GPM6B: variants seen among roughly 807,000 people sequenced by gnomAD.
The protein encoded by GPM6B is neuronal membrane glycoprotein M6-b.
Under a neutral mutation model 27.2 loss-of-function variants are expected in GPM6B, and 4 were observed. The ratio of observed to expected loss-of-function variants is 0.15; its 90% CI spans 0.07 to 0.34. GPM6B has a LOEUF of 0.34. Among genes scored for constraint, GPM6B ranks in the 10% least tolerant of loss-of-function variants. GPM6B has a pLI of 1.00. For synonymous variants in GPM6B, 124 were observed against 103.1 expected, an observed-to-expected ratio of 1.20 and a Z score of -1.23; for missense variants, 183 against 261.9, an observed-to-expected ratio of 0.70 and a Z score of 2.08.
intron 1 of GPM6B, among the ~76,000 whole-genome samples, chrX:13,930,725 G>C (rs1921468125): frequency 8.9e-6 from 1 of 112,359 alleles, no homozygotes; most frequent in African/African-American, 3.2e-5. Context: ...AAATAACTTA[G>C]ATAAAATGGA....
chrX:13,817,461 G>C (rs2049259002), upstream of GPM6B: 5 of 392,917 alleles, frequency 1.3e-5, no homozygotes, highest in South Asian at 6.6e-4. Flanking sequence ...TGACTTTGTT[G>C]GTCGACAGCA....
At chrX:13,913,644 T>C (rs1481787829) in intron 1 of GPM6B, among the ~76,000 whole-genome samples, 2 of 112,466 alleles carry the variant, frequency 1.8e-5, no homozygotes, top group Non-Finnish European at 3.8e-5. Flanking sequence ...GTTGGGTATC[T>C]TCTTGTTCTG....
At chrX:13,886,303 T>C (rs2050134139) in intron 1 of GPM6B, among the ~76,000 whole-genome samples, 2 of 111,872 alleles carry the variant, frequency 1.8e-5, no homozygotes, top group Non-Finnish European at 3.8e-5. Flanking sequence ...TCAATTGCTA[T>C]CTTTGTAGGC....
chrX:13,915,816 A>C (rs2050423164), intron 1 of GPM6B, among the ~76,000 whole-genome samples: 1 of 112,502 alleles, frequency 8.9e-6, no homozygotes, highest in Non-Finnish European at 1.9e-5. Flanking sequence ...ATGTATGTAC[A>C]TGTATATATG....
At chrX:13,865,571 G>GAAAAGA (rs55673392) in intron 1 of GPM6B, among the ~76,000 whole-genome samples, 18 of 54,595 alleles carry the variant, frequency 3.3e-4, no homozygotes, top group Non-Finnish European at 5.4e-4. Flanking sequence ...AAGAAAGAAA[G>GAAAAGA]AAAGAAAAGA....
intron 1 of GPM6B, among the ~76,000 whole-genome samples, chrX:13,936,183 T>TA (rs1921828918): frequency 8.9e-6 from 1 of 112,270 alleles, no homozygotes; most frequent in Non-Finnish European, 1.9e-5. Flanking sequence ...GTGTGAATTG[T>TA]ATGATATGTG....
intron 6 of GPM6B, 119 bp from the exon 7 acceptor site, chrX:13,776,422 G>C (rs924070984): frequency 1.8e-6 from 1 of 544,052 alleles, no homozygotes; most frequent in Non-Finnish European, 3.0e-6. Context: ...ACTGGGCACA[G>C]GCCTGCCTTC....
chrX:13,853,337 C>T (rs1603081957), intron 1 of GPM6B, among the ~76,000 whole-genome samples: 1 of 110,672 alleles, frequency 9.0e-6, no homozygotes, highest in Non-Finnish European at 1.9e-5. Context: ...GGCACAGTGG[C>T]TCATGCCTGT....
chrX:13,920,293 G>A (rs796189040), intron 1 of GPM6B, among the ~76,000 whole-genome samples: 76 of 73,902 alleles, frequency 1.0e-3, no homozygotes, highest in African/African-American at 2.5e-3. Context: ...AAAAAAGAAA[G>A]AAAGAAAGAA....
intron 1 of GPM6B, among the ~76,000 whole-genome samples, chrX:13,918,077 G>T (rs897525680): frequency 1.2e-4 from 13 of 112,847 alleles, no homozygotes; most frequent in African/African-American, 4.2e-4. Flanking sequence ...CCAGTATTAG[G>T]ACTATCCTGT....
rs1352998278 is a variant in GPM6B, at chrX:13,792,907, A to G, written c.182-7099T>C. Among the ~76,000 whole-genome samples, 49 of 108,061 alleles carry G rather than the reference A, an allele frequency of 4.5e-4. 1 individual carries two copies. The highest frequency in any genetic ancestry group is 3.0e-4 in the Admixed American group (3 of 10,123). The allele number at this position is 108,061 out of a possible 115,157, so 93.8% of individuals were successfully genotyped here. A position where few individuals can be genotyped will look rare whatever the true frequency, so the allele number is the denominator to read the frequency against. On this transcript the variant is annotated intron_variant, in intron 2 of 7. Transcript: ENST00000316715. ...GAGCGAGACTCCGTTTAAAAAAAAA[A>G]AAAAAAAAAAATTCTAAGCACCCCC...
At chrX:13,914,638 G>C (rs751976913) in intron 1 of GPM6B, among the ~76,000 whole-genome samples, 1 of 112,537 alleles carries the variant, frequency 8.9e-6, no homozygotes, top group African/African-American at 3.2e-5. Context: ...CCACATCAGA[G>C]GTATGGAAAC....
intron 1 of GPM6B, among the ~76,000 whole-genome samples, chrX:13,864,364 G>T: frequency 8.9e-6 from 1 of 112,877 alleles, no homozygotes; most frequent in East Asian, 2.8e-4. Context: ...GGGGGATGCT[G>T]CACTAGACCC....
chrX:13,780,980 C>A (rs1038829718), intron 4 of GPM6B: 1 of 311,872 alleles, frequency 3.2e-6, no homozygotes, highest in African/African-American at 2.7e-5. Flanking sequence ...GAGACACTTT[C>A]CCTTGCACTG....
chrX:13,936,439 G>A (rs923409436), intron 1 of GPM6B, among the ~76,000 whole-genome samples: 1 of 111,670 alleles, frequency 9.0e-6, no homozygotes, highest in Non-Finnish European at 1.9e-5. Flanking sequence ...CCAAAGTCCC[G>A]ACTTAATGGG....
chrX:13,933,450 T>C (rs763547164), intron 1 of GPM6B, among the ~76,000 whole-genome samples: 5 of 112,129 alleles, frequency 4.5e-5, no homozygotes, highest in African/African-American at 1.6e-4. Context: ...ACTTGGGTTG[T>C]AGGCTCTTTT....
chrX:13,935,578 T>C (rs1921798636), intron 1 of GPM6B, among the ~76,000 whole-genome samples: 1 of 112,229 alleles, frequency 8.9e-6, no homozygotes, highest in African/African-American at 3.2e-5. Context: ...CATTTCTCTC[T>C]GGATACATAA....
At chrX:13,876,077 T>C (rs4830898) in intron 1 of GPM6B, among the ~76,000 whole-genome samples, 23,921 of 111,661 alleles carry the variant, frequency 0.21, 2,212 homozygotes, top group East Asian at 0.64. Flanking sequence ...AGAACAACGA[T>C]GAAAAAGACA....
At chrX:13,831,225 C>A (rs1023744406) in intron 1 of GPM6B, among the ~76,000 whole-genome samples, 2 of 98,823 alleles carry the variant, frequency 2.0e-5, no homozygotes, top group Admixed American at 1.1e-4. Flanking sequence ...CACACACACA[C>A]AAATGGCTTG....
Sources: allele counts gnomAD v4.1 joint callset (sites outside exome capture counted in the v4.1 genomes callset), GRCh38; gene constraint gnomAD v4.1.1; transcripts MANE v1.5; gene names NCBI Gene and HGNC (gene_info 2026-07-23, HGNC 2026-07-21).